Variants in GFI1B observed in about 807,000 individuals in gnomAD.
GFI1B encodes the protein zinc finger protein Gfi-1b.
GFI1B carries 20 observed loss-of-function variants against 35.3 expected under a neutral mutation model. That is an observed-to-expected ratio of 0.57 (90% CI 0.40 to 0.82). GFI1B has a LOEUF of 0.82. Ranked by LOEUF, GFI1B falls within the 40% of genes least tolerant of loss-of-function variation. The probability of loss-of-function intolerance (pLI) is 0.00; values close to 1 mark genes in which losing one functional copy is unlikely to be tolerated. For missense variants in GFI1B, 430 were observed against 446.3 expected, an observed-to-expected ratio of 0.96 and a Z score of 0.33; for synonymous variants, 178 against 177.6, an observed-to-expected ratio of 1.00 and a Z score of -0.02.
At chr9:132,963,459 C>T (rs974308018) in intron 1 of GFI1B, among the ~76,000 whole-genome samples, 1 of 151,866 alleles carries the variant, frequency 6.6e-6, no homozygotes, top group African/African-American at 2.4e-5. Flanking sequence ...CCAGTCTGGG[C>T]GACAGAGACA....
At chr9:132,982,994 T>C (rs1279127431) in intron 1 of GFI1B, among the ~76,000 whole-genome samples, 1 of 152,084 alleles carries the variant, frequency 6.6e-6, no homozygotes, top group Non-Finnish European at 1.5e-5. Context: ...CGCTAGAAAG[T>C]GTCCTTGTTG....
At chr9:132,983,536 C>G (rs1200929622) in intron 1 of GFI1B, among the ~76,000 whole-genome samples, 1 of 152,304 alleles carries the variant, frequency 6.6e-6, no homozygotes, top group Non-Finnish European at 1.5e-5. Flanking sequence ...GCATTTCCCT[C>G]TGTGCTGCAG....
At chr9:132,959,758 C>T (rs1295810771) in intron 1 of GFI1B, among the ~76,000 whole-genome samples, 1 of 152,168 alleles carries the variant, frequency 6.6e-6, no homozygotes, top group African/African-American at 2.4e-5. Flanking sequence ...TTCTGGTGGT[C>T]ACTGGCCATG....
rs980662384 is a variant in GFI1B, at chr9:132,989,611, C to T, written c.649-131C>T. 7.5e-6 allele frequency: 5 copies of T among 665,950 alleles called. No homozygotes were observed. The highest frequency in any genetic ancestry group is 7.1e-5 in the South Asian group (4 of 56,504). The allele number at this position is 665,950 out of a possible 1,614,324, so 41.3% of individuals were successfully genotyped here. A position where few individuals can be genotyped will look rare whatever the true frequency, so the allele number is the denominator to read the frequency against. On this transcript the variant is annotated intron_variant, in intron 5 of 6. Coordinates refer to ENST00000372122, the MANE Select transcript of GFI1B (RefSeq NM_001377304.1). The surrounding 1 kb of genome is among the most constrained non-coding windows in gnomAD (Gnocchi z 6.2). ...CCAAGCCCCAGTTTCACCTCAGAGG[C>T]AGAGATGAGGGGTCCCCCGGTCCTG...
Position 132,986,686 on chromosome 9 carries a change from G to A in GFI1B, c.8G>A (p.Arg3His), listed in dbSNP as rs1849075174. 1.9e-6 allele frequency: 3 copies of A among 1,608,988 alleles called. No individual in the cohort carries two copies. Among genetic ancestry groups the A allele is most frequent in the East Asian group, 2.2e-5 (1 of 44,804 alleles). Residue 3 changes from arginine to histidine, a missense_variant, in exon 2 of 7, where the codon CGC (arginine) becomes CAC (histidine). Coordinates refer to ENST00000372122, the MANE Select transcript of GFI1B (RefSeq NM_001377304.1). The part of the protein sequence containing the change: MP[R>H]SFLVKSKKAH... ...GTGGGGTGCACACTGAAAATGCCAC[G>A]CTCCTTCCTGGTGAAGAGCAAGAAG...
upstream of GFI1B, among the ~76,000 whole-genome samples, chr9:132,973,915 C>T (rs1401009546): frequency 1.3e-5 from 2 of 152,210 alleles, no homozygotes; most frequent in African/African-American, 4.8e-5. Context: ...CCATATCCCT[C>T]CCCCTGGGCA....
chr9:132,984,172 G>A (rs1285604026), intron 1 of GFI1B, among the ~76,000 whole-genome samples: 7 of 152,150 alleles, frequency 4.6e-5, no homozygotes, highest in Admixed American at 4.6e-4. Flanking sequence ...GACCCTCACA[G>A]GCCCCCTCAA....
At chr9:132,986,873 C>G in intron 2 of GFI1B, 95 bp downstream of exon 2, 1 of 767,448 alleles carries the variant, frequency 1.3e-6, no homozygotes, top group East Asian at 2.7e-5. Context: ...GCAGCAGCCT[C>G]TTCTTCCAAG....
At chr9:132,954,367 G>C (rs890576864) in intron 1 of GFI1B, among the ~76,000 whole-genome samples, 1 of 152,108 alleles carries the variant, frequency 6.6e-6, no homozygotes, top group Non-Finnish European at 1.5e-5. Context: ...TTAAGGTCAG[G>C]AGTTGGAGAC....
intron 1 of GFI1B, 43 bp from the exon 2 acceptor site, chr9:132,986,616 T>C: frequency 2.1e-6 from 2 of 973,544 alleles, no homozygotes; most frequent in Non-Finnish European, 3.2e-6. Flanking sequence ...AGGGGTATTG[T>C]TCTCTTGTCC....
At chr9:132,983,387 A>T (rs1848904820) in intron 1 of GFI1B, among the ~76,000 whole-genome samples, 1 of 151,598 alleles carries the variant, frequency 6.6e-6, no homozygotes. Context: ...TGTAGAGACG[A>T]GGTTTCACTG....
intron 1 of GFI1B, among the ~76,000 whole-genome samples, chr9:132,965,961 C>G (rs1848445076): frequency 6.6e-6 from 1 of 152,070 alleles, no homozygotes; most frequent in African/African-American, 2.4e-5. Context: ...TGTAACAAAC[C>G]TGCATTTCCT....
intron 1 of GFI1B, among the ~76,000 whole-genome samples, chr9:132,961,454 A>C (rs1848362747): frequency 6.6e-6 from 1 of 152,030 alleles, no homozygotes; most frequent in Non-Finnish European, 1.5e-5. Context: ...AAAGGCATAA[A>C]TGGAAAGTTT....
rs148996720 is a variant in GFI1B, at chr9:132,989,190, C to T, written c.640C>T (p.His214Tyr). 77 of 1,613,134 alleles carry T rather than the reference C, an allele frequency of 4.8e-5. No individual in the cohort carries two copies. In the African/African-American group the frequency reaches 9.2e-4, roughly 19 times the overall value. ...GAGCCTGGAGCAGCACACGCACGTC[C>T]ACTCCCAGGTGGGCACCTGGCCCAG... The part of the protein sequence containing the change: ...AVSLEQHTHV[H>Y]SQERSFECRM... Residue 214 changes from histidine to tyrosine, a missense_variant, in exon 5 of 7, where the codon CAC becomes TAC. Physicochemically the swap from His to Tyr is moderately conservative, Grantham distance 83. Transcript: ENST00000372122. The surrounding 1 kb of genome is among the most constrained non-coding windows in gnomAD (Gnocchi z 6.2).
rs1446582350 is a variant in GFI1B at position 132,986,773 on chromosome 9, C to A, written c.95C>A (p.Thr32Asn). Residue 32 changes from threonine (T) to asparagine (N), a missense_variant, in exon 2 of 7, where the codon ACC (threonine) becomes AAC (asparagine). Physicochemically the swap from Thr to Asn is moderately conservative, Grantham distance 65. Coordinates refer to ENST00000372122, the MANE Select transcript of GFI1B (RefSeq NM_001377304.1). ...GAACCGCTCTGGCCTCCTGCCCTTA[C>A]CCCGGGTGAGTCAGAGCCCGGGCTG... ...EDEPLWPPALTPVPRDQAPSN... is the reference protein window; with the variant it reads ...EDEPLWPPALNPVPRDQAPSN... 3 of 1,606,092 alleles carry A rather than the reference C, an allele frequency of 1.9e-6. No individual in the cohort carries two copies. The highest frequency in any genetic ancestry group is 4.5e-5 in the East Asian group (2 of 44,762).
At chr9:132,948,741 C>T (rs902329734) in intron 1 of GFI1B, among the ~76,000 whole-genome samples, 2 of 152,202 alleles carry the variant, frequency 1.3e-5, no homozygotes, top group Non-Finnish European at 2.9e-5. Context: ...GCACCGTGTC[C>T]TCCAGTACCA....
In GFI1B at chr9:132,970,162, C is replaced by T. The variant is rs952773830; in HGVS notation, c.-700-2563C>T. On this transcript the variant is annotated intron_variant, in intron 1 of 10. Transcript: ENST00000339463. ...GGGTGCACATTCTCTGAAGTCTTCC[C>T]ACAGTGCTCTTCATTTCCTTATATG... 5.3e-5 allele frequency among the ~76,000 whole-genome samples: 8 copies of T among 152,134 alleles called. No homozygotes were observed. In the East Asian group the frequency reaches 1.5e-3, roughly 29 times the overall value.
upstream of GFI1B, among the ~76,000 whole-genome samples, chr9:132,973,745 G>T (rs540131624): frequency 6.6e-6 from 1 of 152,224 alleles, no homozygotes; most frequent in Admixed American, 6.5e-5. Flanking sequence ...TGAGAGGACA[G>T]TTAGAAGGTA....
chr9:132,977,531 A>G (rs967911657), upstream of GFI1B, among the ~76,000 whole-genome samples: 1 of 152,214 alleles, frequency 6.6e-6, no homozygotes, highest in African/African-American at 2.4e-5. Context: ...TATGAGGGAA[A>G]CATAATATCT....
Sources: gnomAD v4.1 joint callset for allele counts (sites outside exome capture counted in the v4.1 genomes callset) on GRCh38, gnomAD v4.1.1 for gene constraint, Gnocchi (gnomAD v3.1) non-coding constraint, MANE v1.5 for transcripts, NCBI Gene and HGNC (gene_info 2026-07-23, HGNC 2026-07-21) for gene names.